FAM120C: variants seen among roughly 807,000 people sequenced by gnomAD.
FAM120C encodes family with sequence similarity 120 member C.
Under a neutral mutation model 71.2 loss-of-function variants are expected in FAM120C, and 14 were observed. That is an observed-to-expected ratio of 0.20 (90% CI 0.13 to 0.31). FAM120C has a LOEUF of 0.31. Ranked by LOEUF, FAM120C falls within the 10% of genes least tolerant of loss-of-function variation. The pLI is 1.00. For synonymous variants in FAM120C, 354 were observed against 353.2 expected (o/e 1.00, Z -0.03); for missense variants, 500 against 879.0 (o/e 0.57, Z 5.45).
At chrX:54,159,677 A>C in intron 1 of FAM120C, 61 bp from the exon 2 acceptor site, 1 of 1,140,026 alleles carries the variant, frequency 8.8e-7, no homozygotes, top group Non-Finnish European at 1.2e-6. Context: ...TTAGAAGGTC[A>C]GGAGGTTTAG....
intron 1 of FAM120C, 111 bp from the exon 2 acceptor site, chrX:54,159,727 G>A (rs1206793026): frequency 2.1e-5 from 16 of 762,941 alleles, no homozygotes; most frequent in Middle Eastern, 9.5e-4. Flanking sequence ...GAAATTGTAC[G>A]TGAGAGAACA....
intron 15 of FAM120C, 51 bp from the exon 16 acceptor site, chrX:54,073,338 C>T (rs1557120285): frequency 8.7e-7 from 1 of 1,151,466 alleles, no homozygotes. Context: ...GACTGGCTGA[C>T]CCTTCCTAAG....
intron 4 of FAM120C, among the ~76,000 whole-genome samples, chrX:54,141,195 A>G (rs1557131610): frequency 1.8e-5 from 2 of 111,715 alleles, no homozygotes; most frequent in Admixed American, 9.6e-5. Flanking sequence ...CCTTGAAAAT[A>G]AAACCAGACT....
At chrX:54,096,367 T>C (rs1557123290) in intron 10 of FAM120C, among the ~76,000 whole-genome samples, 1 of 111,405 alleles carries the variant, frequency 9.0e-6, no homozygotes, top group African/African-American at 3.3e-5. Context: ...GCTGAGATCA[T>C]GCCACTGCAC....
intron 4 of FAM120C, among the ~76,000 whole-genome samples, chrX:54,137,254 A>G (rs2067099736): frequency 9.1e-6 from 1 of 109,688 alleles, no homozygotes; most frequent in Middle Eastern, 4.7e-3. Flanking sequence ...TGCCCGGCCA[A>G]TTTTTTTTTA....
chrX:54,172,401 G>A (rs1484192341), intron 1 of FAM120C, among the ~76,000 whole-genome samples: 1 of 112,437 alleles, frequency 8.9e-6, no homozygotes, highest in Non-Finnish European at 1.9e-5. Flanking sequence ...TGATCTGACT[G>A]ATTCATTTTG....
intron 10 of FAM120C, among the ~76,000 whole-genome samples, chrX:54,096,628 T>C (rs1184836686): frequency 1.8e-5 from 2 of 111,520 alleles, no homozygotes; most frequent in Non-Finnish European, 3.8e-5. Context: ...AAAAACATGA[T>C]TAATGACTGC....
chrX:54,157,817 A>G (rs1557133914), intron 2 of FAM120C, 46 bp from the exon 3 acceptor site: 1 of 947,319 alleles, frequency 1.1e-6, no homozygotes, highest in Admixed American at 2.4e-5. Flanking sequence ...ATGTTTTCTT[A>G]GAACCTCCAG....
intron 10 of FAM120C, among the ~76,000 whole-genome samples, chrX:54,096,898 A>G (rs2066854607): frequency 1.8e-5 from 2 of 111,765 alleles, no homozygotes; most frequent in South Asian, 7.5e-4. Context: ...TTTACATCCT[A>G]TCCCAGCAGT....
chrX:54,135,447 A>C (rs1325320614), intron 6 of FAM120C, 81 bp downstream of exon 6: 1 of 870,937 alleles, frequency 1.1e-6, no homozygotes, highest in Non-Finnish European at 1.7e-6. Flanking sequence ...ATAACACTGA[A>C]TCACCCTAAC....
intron 10 of FAM120C, among the ~76,000 whole-genome samples, chrX:54,115,947 G>A (rs1435703464): frequency 9.0e-6 from 1 of 111,096 alleles, no homozygotes; most frequent in Non-Finnish European, 1.9e-5. Flanking sequence ...CAGGCATGGT[G>A]GCACATGCCT....
chrX:54,142,603 G>T (rs971627276), intron 4 of FAM120C, among the ~76,000 whole-genome samples: 1 of 111,956 alleles, frequency 8.9e-6, no homozygotes, highest in Non-Finnish European at 1.9e-5. Context: ...GCTGGAACTG[G>T]GTGGAGCCCA....
In FAM120C at chrX:54,182,261, G is replaced by A. The variant is rs189870094; in HGVS notation, c.699+239C>T. 1.3e-4 allele frequency among the ~76,000 whole-genome samples: 14 copies of A among 110,985 alleles called. No individual in the cohort carries two copies. In the East Asian group the frequency reaches 3.9e-3, roughly 31 times the overall value. ...ATAAGGGAAGCTAAAGGGAGCTACT[G>A]GGATGACATGAGTAGAGATATGGCC... On this transcript the variant is annotated intron_variant, in intron 1 of 15. Coordinates refer to ENST00000375180, the MANE Select transcript of FAM120C (RefSeq NM_017848.6).
intron 1 of FAM120C, among the ~76,000 whole-genome samples, chrX:54,179,962 T>C (rs894506737): frequency 8.9e-6 from 1 of 112,162 alleles, no homozygotes; most frequent in Admixed American, 9.4e-5. Context: ...AATTTTACAG[T>C]GAACATCTGA....
chrX:54,177,364 C>G (rs2067324066), intron 1 of FAM120C, among the ~76,000 whole-genome samples: 1 of 111,006 alleles, frequency 9.0e-6, no homozygotes. Flanking sequence ...ATTTTGGCAG[C>G]CTGAACTAAA....
chrX:54,106,716 A>T (rs990072224), intron 10 of FAM120C, among the ~76,000 whole-genome samples: 12 of 112,156 alleles, frequency 1.1e-4, no homozygotes, highest in African/African-American at 3.5e-4. Context: ...AAGAAAAAAA[A>T]ACTCCATCAA....
chrX:54,115,298 TAAA>T (rs1166721153), intron 10 of FAM120C, among the ~76,000 whole-genome samples: 1 of 111,440 alleles, frequency 9.0e-6, no homozygotes, highest in African/African-American at 3.3e-5. Flanking sequence ...GCAAGACAAA[TAAA>T]GAAGCACTTC....
At chrX:54,151,492 A>G (rs781816533) in intron 3 of FAM120C, 119 bp from the exon 4 acceptor site, 1 of 835,862 alleles carries the variant, frequency 1.2e-6, no homozygotes, top group Non-Finnish European at 1.6e-6. Context: ...GACAGTTAAA[A>G]TATTTTCTTT....
rs782789960 is a variant in FAM120C at position 54,103,326 on chromosome X, C to CAAT, written c.2313-11903_2313-11901dup. The stretch of plus-strand genomic sequence containing the variant: ...TCACCAAGATAGTTACTGTCTCTGA[C>CAAT]AATACTCTGGGCTTAAGGCTTGTGT... On this transcript the variant is annotated intron_variant, in intron 10 of 15. Coordinates refer to ENST00000375180, the MANE Select transcript of FAM120C (RefSeq NM_017848.6). Among the ~76,000 whole-genome samples, 490 of 111,211 alleles carry CAAT rather than the reference C, an allele frequency of 4.4e-3. 1 individual carries two copies. Among genetic ancestry groups the CAAT allele is most frequent in the Middle Eastern group, 9.3e-3 (2 of 216 alleles).
Sources: gnomAD v4.1 joint callset for allele counts (sites outside exome capture counted in the v4.1 genomes callset) on GRCh38, gnomAD v4.1.1 for gene constraint, MANE v1.5 for transcripts, NCBI Gene and HGNC (gene_info 2026-07-23, HGNC 2026-07-21) for gene names.